The following NTRK2 variants were observed in gnomAD, a reference collection of about 807,000 sequenced individuals.
NTRK2 encodes BDNF/NT-3 growth factors receptor.
A neutral mutation model predicts 94.5 loss-of-function variants in NTRK2; 13 were observed. That is an observed-to-expected ratio of 0.14 (90% CI 0.09 to 0.22). NTRK2 has a LOEUF of 0.22. Ranked by LOEUF, NTRK2 falls within the 10% of genes least tolerant of loss-of-function variation. The pLI is 1.00. For synonymous variants in NTRK2, 372 were observed against 407.4 expected (o/e 0.91, Z 1.05); for missense variants, 639 against 1,071.2 (o/e 0.60, Z 5.63).
intron 17 of NTRK2, among the ~76,000 whole-genome samples, chr9:85,006,863 T>C (rs1230962664): frequency 6.6e-6 from 1 of 152,212 alleles, no homozygotes; most frequent in Non-Finnish European, 1.5e-5. Context: ...CTTTCCCTTC[T>C]GGATACCCCT....
At position 85,022,940 on chromosome 9, in the gene NTRK2, G is replaced by A; in HGVS notation, c.*1503G>A. 1 of 233,226 alleles carries A rather than the reference G, an allele frequency of 4.3e-6. No homozygotes were observed. Among genetic ancestry groups the A allele is most frequent in the Non-Finnish European group, 8.5e-6 (1 of 118,046 alleles). 14.4% of individuals were successfully genotyped at this position (233,226 alleles called of 1,614,324 possible). A position where few individuals can be genotyped will look rare whatever the true frequency, so the allele number is the denominator to read the frequency against. ...CATGCACTCATGTTCAGTGTACACAGGTCAAGTCCCTTGCTCTGGGCTCTA... is the reference window on the plus strand; with the variant it reads ...CATGCACTCATGTTCAGTGTACACAAGTCAAGTCCCTTGCTCTGGGCTCTA... On this transcript the variant is annotated 3_prime_UTR_variant, in exon 19 of 19. Transcript: ENST00000277120.
intron 12 of NTRK2, among the ~76,000 whole-genome samples, chr9:84,851,729 A>G (rs1587675333): frequency 6.6e-6 from 1 of 152,304 alleles, no homozygotes; most frequent in Non-Finnish European, 1.5e-5. Flanking sequence ...ACCACTTAAA[A>G]TGGAAAATAT....
intron 12 of NTRK2, among the ~76,000 whole-genome samples, chr9:84,819,337 C>T (rs758806660): frequency 2.0e-5 from 3 of 152,162 alleles, no homozygotes; most frequent in African/African-American, 7.2e-5. Flanking sequence ...CCCCTTGAGT[C>T]GGGGTAGGAA....
Position 84,815,468 on chromosome 9 carries a change from C to T in NTRK2, c.1397-45572C>T, listed in dbSNP as rs973276284. 7 of 1,036,660 alleles carry T rather than the reference C, an allele frequency of 6.8e-6. No individual in the cohort carries two copies. The African/African-American group carries it at 1.0e-4, about 15-fold the overall frequency. 64.2% of individuals were successfully genotyped at this position (1,036,660 alleles called of 1,614,324 possible). On this transcript the variant is annotated intron_variant, in intron 12 of 18. Coordinates refer to ENST00000277120, the MANE Select transcript of NTRK2 (RefSeq NM_006180.6). ...CCTTGAGTTTCACGCACTTCATGTT[C>T]AACCATTTGCTGTAATCCAGAGGCA...
At chr9:84,929,989 G>A (rs1384365927) in intron 14 of NTRK2, among the ~76,000 whole-genome samples, 1 of 152,192 alleles carries the variant, frequency 6.6e-6, no homozygotes, top group East Asian at 1.9e-4. Flanking sequence ...GCATGCTTAT[G>A]TGATAGCTTA....
intron 14 of NTRK2, chr9:84,875,084 A>G: frequency 9.4e-7 from 1 of 1,060,514 alleles, no homozygotes; most frequent in Non-Finnish European, 1.1e-6. Context: ...TTAACCACTG[A>G]TATCGTTTGG....
chr9:85,022,116 A>G lies in NTRK2; in HGVS notation c.*679A>G, dbSNP rs1832814305. On this transcript the variant is annotated 3_prime_UTR_variant, in exon 19 of 19. Transcript: ENST00000277120. ...AAGAAGATTTATTATGAACCGCAAT[A>G]TGGGAGGAACAAAGACAACCACTGG... 1 of 233,310 alleles carries G rather than the reference A, an allele frequency of 4.3e-6. No individual in the cohort carries two copies. The highest frequency in any genetic ancestry group is 1.8e-4 in the South Asian group (1 of 5,536). 14.5% of individuals were successfully genotyped at this position (233,310 alleles called of 1,614,324 possible). A position where few individuals can be genotyped will look rare whatever the true frequency, so the allele number is the denominator to read the frequency against.
chr9:84,974,874 G>T (rs1200596198), intron 17 of NTRK2, among the ~76,000 whole-genome samples: 1 of 152,156 alleles, frequency 6.6e-6, no homozygotes, highest in African/African-American at 2.4e-5. Flanking sequence ...AGGGGAGCAG[G>T]CCTGGATATC....
At chr9:84,937,651 AT>A (rs1000245130) in intron 15 of NTRK2, among the ~76,000 whole-genome samples, 192 of 151,290 alleles carry the variant, frequency 1.3e-3, no homozygotes, top group African/African-American at 3.5e-3. Context: ...TCTATCAACC[AT>A]TTTTTTTTCC....
intron 14 of NTRK2, among the ~76,000 whole-genome samples, chr9:84,891,934 T>C (rs940425264): frequency 6.6e-6 from 1 of 151,874 alleles, no homozygotes; most frequent in African/African-American, 2.4e-5. Flanking sequence ...TTTTTTTTTT[T>C]AAAGAGGTGA....
chr9:84,789,171 G>C (rs1187272), intron 12 of NTRK2, among the ~76,000 whole-genome samples: 35 of 152,036 alleles, frequency 2.3e-4, no homozygotes, highest in South Asian at 1.7e-3. Context: ...TGGCACGCAG[G>C]GGGAGAGAAG....
intron 14 of NTRK2, among the ~76,000 whole-genome samples, chr9:84,893,054 C>A (rs2076642995): frequency 1.3e-5 from 2 of 151,748 alleles, no homozygotes; most frequent in African/African-American, 4.8e-5. Context: ...CAATGAAATA[C>A]ACTAGCCTTA....
At chr9:84,877,925 AC>A in intron 14 of NTRK2, 1 of 1,015,986 alleles carries the variant, frequency 9.8e-7, no homozygotes, top group Non-Finnish European at 1.2e-6. Context: ...TACTTTCGTC[AC>A]CTGCTAATAC....
intron 12 of NTRK2, among the ~76,000 whole-genome samples, chr9:84,853,235 G>T (rs1439631659): frequency 6.6e-6 from 1 of 152,156 alleles, no homozygotes; most frequent in Non-Finnish European, 1.5e-5. Flanking sequence ...TTGAGAACTT[G>T]AATAGGCCTC....
intron 2 of NTRK2, among the ~76,000 whole-genome samples, chr9:84,696,649 G>T (rs911930469): frequency 2.0e-5 from 3 of 152,126 alleles, no homozygotes; most frequent in Non-Finnish European, 4.4e-5. Context: ...ATAAAATTGA[G>T]GGTACAAAGA....
chr9:84,995,529 C>A (rs994273789), intron 17 of NTRK2, among the ~76,000 whole-genome samples: 1 of 152,096 alleles, frequency 6.6e-6, no homozygotes, highest in African/African-American at 2.4e-5. Context: ...ATAATGTCTG[C>A]ACATTGGAGT....
At chr9:84,716,743 T>C (rs1301207080) in intron 6 of NTRK2, among the ~76,000 whole-genome samples, 2 of 152,234 alleles carry the variant, frequency 1.3e-5, no homozygotes, top group Non-Finnish European at 2.9e-5. Context: ...CTTCTTAGAA[T>C]GTCAAATGAA....
At chr9:84,987,253 G>T (rs1452256489) in intron 17 of NTRK2, among the ~76,000 whole-genome samples, 2 of 152,116 alleles carry the variant, frequency 1.3e-5, no homozygotes, top group African/African-American at 2.4e-5. Context: ...GTCAAGAATT[G>T]GTTTGCTGAA....
intron 14 of NTRK2, chr9:84,872,778 G>A: frequency 9.4e-7 from 1 of 1,064,588 alleles, no homozygotes; most frequent in Non-Finnish European, 1.1e-6. Context: ...AGGCAATTAT[G>A]TAAATAAGCA....
Sources: gnomAD v4.1 joint callset for allele counts (sites outside exome capture counted in the v4.1 genomes callset) on GRCh38, gnomAD v4.1.1 for gene constraint, MANE v1.5 for transcripts, NCBI Gene and HGNC (gene_info 2026-07-23, HGNC 2026-07-21) for gene names.